GALNT10: variants seen among roughly 807,000 people sequenced by gnomAD.
GALNT10 encodes polypeptide N-acetylgalactosaminyltransferase 10, also known as GalNAc transferase 10.
In GALNT10, 41 loss-of-function variants were observed where a neutral mutation model predicts 75.0. That is an observed-to-expected ratio of 0.55 (90% CI 0.43 to 0.71). The LOEUF (loss-of-function observed/expected upper bound fraction) is 0.71, where lower values mean the gene tolerates loss of function less well. Ranked by LOEUF, GALNT10 falls within the 30% of genes least tolerant of loss-of-function variation. The pLI is 0.00. For synonymous variants in GALNT10, 302 were observed against 313.0 expected, an observed-to-expected ratio of 0.96 and a Z score of 0.37; for missense variants, 727 against 818.5, an observed-to-expected ratio of 0.89 and a Z score of 1.36.
intron 1 of GALNT10, among the ~76,000 whole-genome samples, chr5:154,245,762 G>A (rs900397364): frequency 4.6e-5 from 7 of 151,134 alleles, no homozygotes; most frequent in Admixed American, 4.6e-4. Flanking sequence ...TAAGCATCTG[G>A]GATAAAAGTG....
intron 1 of GALNT10, among the ~76,000 whole-genome samples, chr5:154,247,163 G>C (rs1238324287): frequency 6.6e-6 from 1 of 152,126 alleles, no homozygotes; most frequent in African/African-American, 2.4e-5. Flanking sequence ...TGTTCCATTG[G>C]TCTATATCTC....
chr5:154,307,622 GA>G (rs368835213), intron 3 of GALNT10, among the ~76,000 whole-genome samples: 63 of 125,062 alleles, frequency 5.0e-4, no homozygotes, highest in East Asian at 3.3e-3. Flanking sequence ...TCCATCTCAA[GA>G]AAAAAAAAAA....
intron 4 of GALNT10, among the ~76,000 whole-genome samples, chr5:154,332,577 G>A (rs953673732): frequency 6.6e-6 from 1 of 152,128 alleles, no homozygotes; most frequent in African/African-American, 2.4e-5. Context: ...ATTCATTGTC[G>A]GTCTTCCCCC....
Position 154,190,748 on chromosome 5 carries a change from C to A in GALNT10, c.-119C>A. 3.3e-6 allele frequency: 1 copy of A among 306,416 alleles called. No homozygotes were observed. The highest frequency in any genetic ancestry group is 4.7e-6 in the Non-Finnish European group (1 of 211,112). The allele number at this position is 306,416 out of a possible 1,614,324, so 19.0% of individuals were successfully genotyped here. A position where few individuals can be genotyped will look rare whatever the true frequency, so the allele number is the denominator to read the frequency against. On this transcript the variant is annotated 5_prime_UTR_variant, in exon 1 of 12. Transcript: ENST00000297107. ...AAGTGCCGCGGAGTTGGAGCGGGGC[C>A]GGCGCCGCAGCCGCTTCTGCTGGCT...
intron 1 of GALNT10, among the ~76,000 whole-genome samples, chr5:154,242,687 G>C (rs557056609): frequency 1.3e-5 from 2 of 152,288 alleles, no homozygotes; most frequent in Admixed American, 1.3e-4. Context: ...GCCCTCCTCT[G>C]TGTGACAGTA....
chr5:154,343,652 G>T lies in GALNT10; in HGVS notation c.568+13914G>T, dbSNP rs530718022. Among the ~76,000 whole-genome samples the T allele has an allele frequency of 1.2e-4, 18 of 152,310 alleles. No homozygotes were observed. In the South Asian group the frequency reaches 3.7e-3, roughly 32 times the overall value. ...TATAGAAGAATGTGCTTGAGGCCCTGCCTGGTCCTCGGTCAGAAATTTCCT... is the reference window on the plus strand; with the variant it reads ...TATAGAAGAATGTGCTTGAGGCCCTTCCTGGTCCTCGGTCAGAAATTTCCT... On this transcript the variant is annotated intron_variant, in intron 4 of 11. Transcript: ENST00000297107.
At chr5:154,193,161 T>G (rs1472158441) in intron 1 of GALNT10, among the ~76,000 whole-genome samples, 2 of 150,500 alleles carry the variant, frequency 1.3e-5, no homozygotes, top group East Asian at 4.0e-4. Flanking sequence ...GTTTGGGGGT[T>G]TGGGGGGAAT....
rs983604463 is a variant in GALNT10, at chr5:154,320,526, T to C, written c.402-9046T>C. 1.4e-4 allele frequency among the ~76,000 whole-genome samples: 22 copies of C among 152,234 alleles called. 1 individual carries two copies. Among genetic ancestry groups the C allele is most frequent in the African/African-American group, 5.3e-4 (22 of 41,532 alleles). On this transcript the variant is annotated intron_variant, in intron 3 of 11. Transcript: ENST00000297107. ...CAAGCAAGCCTCCTGTGAAATTAGATGTTAAGGCAGGAACTTTTGTAGAAA... is the reference window on the plus strand; with the variant it reads ...CAAGCAAGCCTCCTGTGAAATTAGACGTTAAGGCAGGAACTTTTGTAGAAA...
chr5:154,409,629 G>C lies in GALNT10; in HGVS notation c.1253G>C (p.Gly418Ala). The change falls in exon 9 of 12, where the codon GGG becomes GCG. Residue 418 changes from glycine to alanine, a missense_variant. Physicochemically the swap from Gly to Ala is moderately conservative, Grantham distance 60 (BLOSUM62 0). Transcript: ENST00000297107. The surrounding 1 kb of genome is among the most constrained non-coding windows in gnomAD (Gnocchi z 4.5). ...RRPEYRHLSA[G>A]DVAVQKKLRS... is the part of the protein sequence containing the mutation. ...CCTGAATACCGCCACCTCTCCGCTGGGGATGTCGCAGTCCAGAAAAAGCTC... is the reference window on the plus strand; with the variant it reads ...CCTGAATACCGCCACCTCTCCGCTGCGGATGTCGCAGTCCAGAAAAAGCTC... 6.2e-7 allele frequency: 1 copy of C among 1,613,782 alleles called. No homozygotes were observed. Among genetic ancestry groups the C allele is most frequent in the Non-Finnish European group, 8.5e-7 (1 of 1,179,678 alleles).
At position 154,288,408 on chromosome 5, in the gene GALNT10, TTGTGTG is replaced by T. The variant is rs10534031; in HGVS notation, c.160-6378_160-6373del. 5.4e-3 allele frequency among the ~76,000 whole-genome samples: 665 copies of T among 122,608 alleles called. 3 individuals are homozygous for T. Among genetic ancestry groups the T allele is most frequent in the African/African-American group, 0.014 (563 of 38,844 alleles). The allele number at this position is 122,608 out of a possible 152,430, so 80.4% of individuals were successfully genotyped here. On this transcript the variant is annotated intron_variant, in intron 1 of 11. Coordinates refer to ENST00000297107, the MANE Select transcript of GALNT10 (RefSeq NM_198321.4). ...GATTAAACAAAGATTAAAATTCCAT[TTGTGTG>T]TGTGTGTGTGTGTGTGTGTGTGTGT...
At chr5:154,217,933 T>G (rs1218014270) in intron 1 of GALNT10, 2 of 789,344 alleles carry the variant, frequency 2.5e-6, no homozygotes, top group African/African-American at 1.9e-5. Context: ...ATTGTACAGT[T>G]TAACTCCCTG....
rs980128488 is a variant in GALNT10, at chr5:154,280,262, A to G, written c.160-14554A>G. 4.6e-5 allele frequency among the ~76,000 whole-genome samples: 7 copies of G among 152,158 alleles called. No individual in the cohort carries two copies. In the East Asian group the frequency reaches 1.3e-3, roughly 29 times the overall value. On this transcript the variant is annotated intron_variant, in intron 1 of 11. Transcript: ENST00000297107. ...GTGGTTACTAGAGACTGGGAAGGGA[A>G]TGGGTAGAGGAGATAGGAAGAGGTA...
At chr5:154,365,731 G>A (rs761912611) in intron 4 of GALNT10, among the ~76,000 whole-genome samples, 2 of 152,078 alleles carry the variant, frequency 1.3e-5, no homozygotes, top group Non-Finnish European at 2.9e-5. Flanking sequence ...GGGACTGTCT[G>A]CCCTCTCACC....
At chr5:154,257,458 A>G (rs1324562711) in intron 1 of GALNT10, among the ~76,000 whole-genome samples, 1 of 152,174 alleles carries the variant, frequency 6.6e-6, no homozygotes, top group African/African-American at 2.4e-5. Context: ...GACTCTTTCA[A>G]TTGCAAGTGA....
intron 1 of GALNT10, among the ~76,000 whole-genome samples, chr5:154,223,919 C>A (rs1275063901): frequency 1.4e-5 from 2 of 144,912 alleles, no homozygotes; most frequent in Non-Finnish European, 1.5e-5. Flanking sequence ...GACCCTGTCT[C>A]AAAAAAAAAA....
intron 1 of GALNT10, among the ~76,000 whole-genome samples, chr5:154,264,498 A>C (rs763543041): frequency 1.3e-5 from 2 of 152,178 alleles, no homozygotes; most frequent in South Asian, 4.1e-4. Context: ...GTTTACTTCC[A>C]TGTGACTCAG....
intron 3 of GALNT10, among the ~76,000 whole-genome samples, chr5:154,320,468 AAC>A (rs1381613685): frequency 2.6e-5 from 4 of 152,146 alleles, no homozygotes; most frequent in Non-Finnish European, 5.9e-5. Context: ...TATTATAGCT[AAC>A]ACCCCACCCC....
chr5:154,208,469 A>T (rs953492701), intron 1 of GALNT10, among the ~76,000 whole-genome samples: 3 of 152,030 alleles, frequency 2.0e-5, no homozygotes, highest in African/African-American at 7.2e-5. Context: ...AAATTTCCTT[A>T]ATCTTTTATT....
At chr5:154,359,628 A>G (rs1236810466) in intron 4 of GALNT10, among the ~76,000 whole-genome samples, 1 of 151,384 alleles carries the variant, frequency 6.6e-6, no homozygotes, top group East Asian at 1.9e-4. Flanking sequence ...TCACCCTACC[A>G]GAGATTCTTG....
Sources: allele counts gnomAD v4.1 joint callset (sites outside exome capture counted in the v4.1 genomes callset), GRCh38; gene constraint gnomAD v4.1.1; non-coding constraint Gnocchi (gnomAD v3.1); transcripts MANE v1.5; gene names NCBI Gene and HGNC (gene_info 2026-07-23, HGNC 2026-07-21).